PTPN3: variants seen among roughly 807,000 people sequenced by gnomAD.
The protein encoded by PTPN3 is protein tyrosine phosphatase non-receptor type 3, also known as tyrosine-protein phosphatase non-receptor type 3.
PTPN3 carries 96 observed loss-of-function variants against 132.7 expected under a neutral mutation model. That is an observed-to-expected ratio of 0.72 (90% CI 0.61 to 0.86). PTPN3 has a LOEUF of 0.86. Among genes scored for constraint, PTPN3 ranks in the 40% least tolerant of loss-of-function variants. The pLI is 0.00. For synonymous variants in PTPN3, 398 were observed against 429.0 expected, an observed-to-expected ratio of 0.93 and a Z score of 0.89; for missense variants, 1,125 against 1,159.6, an observed-to-expected ratio of 0.97 and a Z score of 0.43.
At chr9:109,411,396 C>T (rs1009870184) in intron 14 of PTPN3, among the ~76,000 whole-genome samples, 1 of 152,162 alleles carries the variant, frequency 6.6e-6, no homozygotes, top group African/African-American at 2.4e-5. Flanking sequence ...ACTTCCAAGA[C>T]CCCTATTTCT....
chr9:109,523,203 G>A, the PTPN3 span, among the ~76,000 whole-genome samples: 5 of 150,730 alleles, frequency 3.3e-5, no homozygotes, highest in Non-Finnish European at 7.4e-5. Flanking sequence ...AGCAACCTCC[G>A]CCTCAGGTTC....
the PTPN3 span, among the ~76,000 whole-genome samples, chr9:109,506,484 T>TTCC: frequency 0.37 from 52,640 of 143,006 alleles, 9,849 homozygotes; most frequent in East Asian, 0.61. Context: ...TCCTTCCTTC[T>TTCC]TTCCTACCTA....
At chr9:109,527,154 G>A in the PTPN3 span, among the ~76,000 whole-genome samples, 1 of 152,162 alleles carries the variant, frequency 6.6e-6, no homozygotes, top group Non-Finnish European at 1.5e-5. Context: ...TGATAAGTTG[G>A]ACTTCATTAA....
At chr9:109,485,245 C>T (rs565044570) in intron 1 of PTPN3, among the ~76,000 whole-genome samples, 9 of 152,034 alleles carry the variant, frequency 5.9e-5, no homozygotes, top group African/African-American at 1.2e-4. Flanking sequence ...CGGTGGCTCA[C>T]GCCTGTAATC....
At chr9:109,407,515 T>G (rs1436270211) in intron 17 of PTPN3, among the ~76,000 whole-genome samples, 1 of 152,032 alleles carries the variant, frequency 6.6e-6, no homozygotes, top group Non-Finnish European at 1.5e-5. Context: ...AACGAAAAAA[T>G]TACTTGATAT....
intron 7 of PTPN3, among the ~76,000 whole-genome samples, chr9:109,438,442 T>C (rs538621037): frequency 4.6e-5 from 7 of 152,326 alleles, no homozygotes; most frequent in African/African-American, 9.6e-5. Flanking sequence ...CTATCACACA[T>C]GATCCAATCA....
chr9:109,471,233 T>C (rs538453349), intron 1 of PTPN3, among the ~76,000 whole-genome samples: 73 of 152,284 alleles, frequency 4.8e-4, no homozygotes, highest in African/African-American at 1.7e-3. Flanking sequence ...ATTTTTGTAT[T>C]TTTAGTAGAG....
chr9:109,422,691 A>AC (rs752640424), intron 13 of PTPN3, 27 bp downstream of exon 13: 2 of 1,469,022 alleles, frequency 1.4e-6, no homozygotes, highest in Non-Finnish European at 1.8e-6. Flanking sequence ...GTTGGGTAGT[A>AC]CAAAAAAAAA....
chr9:109,525,077 A>T, the PTPN3 span, among the ~76,000 whole-genome samples: 1 of 151,722 alleles, frequency 6.6e-6, no homozygotes, highest in African/African-American at 2.4e-5. Context: ...ACAGGGTATT[A>T]CTTTGTCACC....
chr9:109,532,943 GGTTTTTTT>G, the PTPN3 span: 1 of 598,814 alleles, frequency 1.7e-6, no homozygotes, highest in Non-Finnish European at 2.3e-6. Flanking sequence ...TTCTTTTCTG[GGTTTTTTT>G]TTTTTTTTTT....
At chr9:109,534,632 C>CAAAAAAAAAAAAAAAA in the PTPN3 span, among the ~76,000 whole-genome samples, 4 of 108,746 alleles carry the variant, frequency 3.7e-5, no homozygotes, top group African/African-American at 7.3e-5. Flanking sequence ...CAAAAAAATA[C>CAAAAAAAAAAAAAAAA]AAAAAAAAAA....
chr9:109,503,712 C>CAA, the PTPN3 span, among the ~76,000 whole-genome samples: 44 of 122,876 alleles, frequency 3.6e-4, no homozygotes, highest in South Asian at 1.0e-3. Context: ...GACTCCATCT[C>CAA]AAAAAAAAAA....
At chr9:109,395,402 C>T (rs1250271210) in intron 19 of PTPN3, among the ~76,000 whole-genome samples, 1 of 152,184 alleles carries the variant, frequency 6.6e-6, no homozygotes, top group African/African-American at 2.4e-5. Flanking sequence ...TGACAACACA[C>T]TCATATTTAT....
chr9:109,453,543 C>A (rs977828764), intron 5 of PTPN3, among the ~76,000 whole-genome samples: 7 of 152,186 alleles, frequency 4.6e-5, no homozygotes, highest in East Asian at 1.9e-4. Context: ...AACCCCAGTA[C>A]CAGCCCAGGG....
At chr9:109,413,744 G>T (rs924798367) in intron 14 of PTPN3, among the ~76,000 whole-genome samples, 1 of 152,030 alleles carries the variant, frequency 6.6e-6, no homozygotes, top group Non-Finnish European at 1.5e-5. Context: ...GGGAGAAAGG[G>T]GCAGAGACAG....
chr9:109,476,662 TG>T (rs1846682037), intron 1 of PTPN3, among the ~76,000 whole-genome samples: 1 of 152,180 alleles, frequency 6.6e-6, no homozygotes, highest in South Asian at 2.1e-4. Context: ...TAGCCAGACC[TG>T]GGTTCTAGTC....
the PTPN3 span, chr9:109,534,450 C>G: frequency 8.1e-7 from 1 of 1,235,056 alleles, no homozygotes. Context: ...GTCCGCTCTC[C>G]GCTCCCGCTA....
the PTPN3 span, among the ~76,000 whole-genome samples, chr9:109,504,090 C>G: frequency 6.6e-6 from 1 of 152,174 alleles, no homozygotes; most frequent in African/African-American, 2.4e-5. Context: ...ATCTCTTAAG[C>G]AAACACTTAA....
chr9:109,448,883 A>C (rs1845040217), intron 5 of PTPN3, 28 bp from the exon 6 acceptor site: 1 of 1,566,166 alleles, frequency 6.4e-7, no homozygotes, highest in Non-Finnish European at 8.6e-7. Context: ...TCATTAATTC[A>C]TACTCAAACT....
Sources: gnomAD v4.1 joint callset for allele counts (sites outside exome capture counted in the v4.1 genomes callset) on GRCh38, gnomAD v4.1.1 for gene constraint, MANE v1.5 for transcripts, NCBI Gene and HGNC (gene_info 2026-07-23, HGNC 2026-07-21) for gene names.